ADAMTS14: variants seen among roughly 807,000 people sequenced by gnomAD.
The protein encoded by ADAMTS14 is ADAM metallopeptidase with thrombospondin type 1 motif 14.
ADAMTS14 carries 100 observed loss-of-function variants against 128.6 expected under a neutral mutation model. The observed-to-expected ratio is 0.78, with a 90% CI of 0.66 to 0.92. The LOEUF (loss-of-function observed/expected upper bound fraction) is 0.92, where lower values mean the gene tolerates loss of function less well. ADAMTS14 is among the 40% of genes least tolerant of loss of function. The pLI, the probability that ADAMTS14 is intolerant of heterozygous loss-of-function variation, is 0.00. For missense variants in ADAMTS14, 1,562 were observed against 1,658.6 expected (o/e 0.94, Z 1.01); for synonymous variants, 665 against 653.8 (o/e 1.02, Z -0.26).
intron 4 of ADAMTS14, among the ~76,000 whole-genome samples, chr10:70,717,082 G>A (rs1290983081): frequency 1.3e-5 from 2 of 152,236 alleles, no homozygotes; most frequent in Non-Finnish European, 2.9e-5. Context: ...AACCATTTGA[G>A]CACTTTGAAG....
chr10:70,681,161 A>G (rs1250702589), intron 2 of ADAMTS14, among the ~76,000 whole-genome samples: 1 of 152,198 alleles, frequency 6.6e-6, no homozygotes, highest in Non-Finnish European at 1.5e-5. Context: ...GTAAAAAGCA[A>G]CACAGACCAT....
At position 70,736,699 on chromosome 10, in the gene ADAMTS14, G is replaced by C; in HGVS notation, c.1505G>C (p.Cys502Ser). ...ATGCAGTTCAGGACCTTTGAGCCCT[G>C]CAAGCAGCTGTGGTGCAGCCATCCT... The part of the protein sequence containing the change: ...TCLAFRTFEP[C>S]KQLWCSHPDN... The change falls in exon 10 of 22, where the codon TGC becomes TCC. Residue 502 changes from cysteine (C) to serine (S), a missense_variant. Physicochemically the swap from Cys to Ser is moderately radical, Grantham distance 112. Coordinates refer to ENST00000373207, the MANE Select transcript of ADAMTS14 (RefSeq NM_080722.4). The C allele has an allele frequency of 6.2e-7, 1 of 1,613,890 alleles. No homozygotes were observed. Among genetic ancestry groups the C allele is most frequent in the Non-Finnish European group, 8.5e-7 (1 of 1,179,854 alleles).
intron 5 of ADAMTS14, 137 bp from the exon 6 acceptor site, chr10:70,729,965 A>G (rs562226564): frequency 7.1e-6 from 7 of 990,732 alleles, no homozygotes; most frequent in Middle Eastern, 3.4e-4. Flanking sequence ...TTGAGTGGGG[A>G]CAGCTGGTGA....
intron 6 of ADAMTS14, 38 bp downstream of exon 6, chr10:70,730,287 G>A: frequency 1.3e-6 from 2 of 1,596,450 alleles, no homozygotes; most frequent in South Asian, 1.1e-5. Context: ...CCAGGTGTGT[G>A]CAGCATGCAC....
At chr10:70,753,777 C>G (rs1170580067) in intron 18 of ADAMTS14, 23 bp from the exon 19 acceptor site, 18 of 1,536,568 alleles carry the variant, frequency 1.2e-5, no homozygotes, top group Non-Finnish European at 1.6e-5. Context: ...GTCTCACCTC[C>G]TCTCCTTTCA....
chr10:70,717,965 G>A (rs548508597), intron 4 of ADAMTS14, among the ~76,000 whole-genome samples: 1 of 152,316 alleles, frequency 6.6e-6, no homozygotes, highest in Admixed American at 6.5e-5. Flanking sequence ...CCTGGGGCCT[G>A]CTCAGATGGC....
chr10:70,733,839 C>T (rs1402516580), intron 7 of ADAMTS14, 46 bp from the exon 8 acceptor site: 11 of 1,571,282 alleles, frequency 7.0e-6, no homozygotes, highest in South Asian at 1.2e-5. Flanking sequence ...CTTCCCGGGG[C>T]AGGCTCCTGG....
At chr10:70,744,566 A>T (rs1589329227) in intron 14 of ADAMTS14, among the ~76,000 whole-genome samples, 1 of 151,110 alleles carries the variant, frequency 6.6e-6, no homozygotes, top group African/African-American at 2.4e-5. Context: ...CTCCTTCCTT[A>T]TTTTTTTTTA....
intron 18 of ADAMTS14, 122 bp downstream of exon 18, chr10:70,752,349 C>T: frequency 2.2e-6 from 3 of 1,385,358 alleles, no homozygotes; most frequent in South Asian, 1.5e-5. Context: ...ATACAGGCAA[C>T]ACAACTTTCA....
intron 2 of ADAMTS14, among the ~76,000 whole-genome samples, chr10:70,678,472 T>C (rs906033125): frequency 7.4e-5 from 9 of 120,978 alleles, no homozygotes; most frequent in African/African-American, 2.2e-4. Context: ...AGAAGTTTGC[T>C]GGGGTCAGGG....
intron 15 of ADAMTS14, among the ~76,000 whole-genome samples, chr10:70,747,409 A>T (rs1485273011): frequency 2.6e-5 from 4 of 151,820 alleles, no homozygotes; most frequent in African/African-American, 9.7e-5. Flanking sequence ...AGGTTAGAGG[A>T]CATTGGTTCA....
Position 70,735,189 on chromosome 10 carries a change from A to T in ADAMTS14, c.1373A>T (p.Asp458Val). Residue 458 changes from aspartate (D) to valine (V), a missense_variant, in exon 9 of 22, where the codon GAT becomes GTT. By Grantham distance (152) the Asp-to-Val change is radical (BLOSUM62 -3). Coordinates refer to ENST00000373207, the MANE Select transcript of ADAMTS14 (RefSeq NM_080722.4). ...GGCAGCTCCTACGACTGCCTCCTCG[A>T]TGACCCCTTTGATCCTGCCTGGCCC... Reference protein sequence around the residue: ...RYLPSYDCLLDDPFDPAWPQP... With the variant: ...RYLPSYDCLLVDPFDPAWPQP... 6.2e-7 allele frequency: 1 copy of T among 1,613,150 alleles called. No individual in the cohort carries two copies.
At position 70,674,662 on chromosome 10, in the gene ADAMTS14, C is replaced by T. The variant is rs1316888921; in HGVS notation, c.189C>T (p.Ala63=). The change falls in exon 2 of 22, where the codon GCC becomes GCT. Residue 63 remains alanine (A), a synonymous_variant. Coordinates refer to ENST00000373207, the MANE Select transcript of ADAMTS14 (RefSeq NM_080722.4). ...LSHVVSGPAA[A]SAGSMVVDTP... is the part of the protein sequence containing the mutation. ...ACGTGGTGTCTGGCCCAGCAGCAGC[C>T]TCTGCAGGGAGCATGGTAGTGGACA... is the stretch of plus-strand genomic sequence containing the variant. 1 of 1,613,690 alleles carries T rather than the reference C, an allele frequency of 6.2e-7. No homozygotes were observed. The highest frequency in any genetic ancestry group is 1.7e-5 in the Admixed American group (1 of 60,034).
Position 70,741,140 on chromosome 10 carries a change from G to A in ADAMTS14, c.1902G>A (p.Trp634Ter). The A allele has an allele frequency of 1.9e-6, 3 of 1,613,532 alleles. 1 individual carries two copies. The change falls in exon 12 of 22, where the codon TGG becomes TGA. Residue 634 changes from tryptophan to a stop codon, truncating the protein, a stop_gained. Transcript: ENST00000373207. LOFTEE classifies it high-confidence loss of function. ...TGCACCAGAATGCCAAGCACAGCTG[G>A]GTGCCCTACGAGCCTGACGATGGTG... ...YYVHQNAKHS[W>*]VPYEPDDDAQ...
intron 2 of ADAMTS14, among the ~76,000 whole-genome samples, chr10:70,681,031 T>C (rs575361418): frequency 5.1e-4 from 77 of 152,372 alleles, no homozygotes; most frequent in Middle Eastern, 3.4e-3. Context: ...ATATAGATCA[T>C]TGGCATTATC....
At chr10:70,709,994 A>G (rs150555452) in intron 4 of ADAMTS14, among the ~76,000 whole-genome samples, 2,034 of 152,224 alleles carry the variant, frequency 0.013, 36 homozygotes, top group African/African-American at 0.047. Context: ...CTGGGAAAGG[A>G]TGGGGACCTG....
chr10:70,750,734 G>A (rs1842325637), intron 16 of ADAMTS14, among the ~76,000 whole-genome samples: 1 of 152,182 alleles, frequency 6.6e-6, no homozygotes. Flanking sequence ...GTGTACCAAG[G>A]CCATTCAATG....
At chr10:70,725,933 A>G (rs575943177) in intron 4 of ADAMTS14, among the ~76,000 whole-genome samples, 1 of 151,850 alleles carries the variant, frequency 6.6e-6, no homozygotes, top group East Asian at 1.9e-4. Flanking sequence ...CCTCCTGCCC[A>G]GACGCTGTTT....
In ADAMTS14 at chr10:70,761,185, G is replaced by A. The variant is rs369934403; in HGVS notation, c.*332G>A. ...CTGGGCCTGGGCAGGTCTGAATCCCGGCTGGTCTGTAGCTAGAAGCTGTCA... is the reference window on the plus strand; with the variant it reads ...CTGGGCCTGGGCAGGTCTGAATCCCAGCTGGTCTGTAGCTAGAAGCTGTCA... On this transcript the variant is annotated 3_prime_UTR_variant, in exon 22 of 22. Coordinates refer to ENST00000373207, the MANE Select transcript of ADAMTS14 (RefSeq NM_080722.4). 81 of 250,498 alleles carry A rather than the reference G, an allele frequency of 3.2e-4. No individual in the cohort carries two copies. In the East Asian group the frequency reaches 5.0e-3, roughly 15 times the overall value. 15.5% of individuals were successfully genotyped at this position (250,498 alleles called of 1,614,324 possible).
Sources: allele counts gnomAD v4.1 joint callset (sites outside exome capture counted in the v4.1 genomes callset), GRCh38; gene constraint gnomAD v4.1.1; transcripts MANE v1.5; gene names NCBI Gene and HGNC (gene_info 2026-07-23, HGNC 2026-07-21).